The following TAS1R2 variants were observed in gnomAD, a reference collection of about 807,000 sequenced individuals.
The protein encoded by TAS1R2 is taste receptor type 1 member 2.
In TAS1R2, 47 loss-of-function variants were observed where a neutral mutation model predicts 49.3. The ratio of observed to expected loss-of-function variants is 0.95; its 90% confidence interval spans 0.75 to 1.22. TAS1R2 has a LOEUF of 1.22. TAS1R2 is among the 50% of genes most tolerant of loss of function. The probability of loss-of-function intolerance (pLI) is 0.00; values close to 1 mark genes in which losing one functional copy is unlikely to be tolerated. For synonymous variants in TAS1R2, 479 were observed against 467.9 expected (o/e 1.02, Z -0.31); for missense variants, 1,155 against 1,122.1 (o/e 1.03, Z -0.42).
At chr1:18,840,184 G>A (rs149257858) in exon 6 of TAS1R2, 135 of 1,614,248 alleles carry the variant, frequency 8.4e-5, no homozygotes, top group Admixed American at 1.3e-4. Context: ...CGATACAGGA[G>A]ATGCAGATTG....
chr1:18,842,209 G>T (rs1933843188), intron 4 of TAS1R2, among the ~76,000 whole-genome samples: 1 of 152,106 alleles, frequency 6.6e-6, no homozygotes, highest in South Asian at 2.1e-4. Flanking sequence ...AGGGGGTGGG[G>T]TGAGAAGCAC....
chr1:18,854,303 G>A lies in TAS1R2; in HGVS notation c.1167C>T (p.Tyr389=). Residue 389 remains tyrosine (Y), a synonymous_variant, in exon 3 of 6, where the codon TAC becomes TAT. Transcript: ENST00000375371. This position sits in a 1 kb window ranked among gnomAD's most constrained non-coding sequence, Gnocchi z 4.9. ...CATGGGCCACAGCATAGACCGCAGA[G>A]TACACGCTGTAGACGACACGCTCCC... The A allele has an allele frequency of 6.2e-7, 1 of 1,614,192 alleles. No homozygotes were observed. Among genetic ancestry groups the A allele is most frequent in the Non-Finnish European group, 8.5e-7 (1 of 1,180,026 alleles).
intron 2 of TAS1R2, among the ~76,000 whole-genome samples, chr1:18,856,631 A>G (rs1934140194): frequency 6.6e-6 from 1 of 152,230 alleles, no homozygotes; most frequent in East Asian, 1.9e-4. Context: ...TATCTGTTAC[A>G]TGAATGAAAG....
intron 5 of TAS1R2, 32 bp downstream of exon 5, chr1:18,841,697 C>CAGGGCAGGAGT: frequency 6.3e-7 from 1 of 1,598,384 alleles, no homozygotes; most frequent in Non-Finnish European, 8.6e-7. Context: ...AGGGCAGGGG[C>CAGGGCAGGAGT]AGGGCAGGAG....
intron 1 of TAS1R2, among the ~76,000 whole-genome samples, chr1:18,858,819 A>C (rs887021433): frequency 1.3e-5 from 2 of 152,140 alleles, no homozygotes; most frequent in Non-Finnish European, 2.9e-5. Flanking sequence ...TAAATGATGC[A>C]TTTCTCATAC....
intron 4 of TAS1R2, 125 bp downstream of exon 4, chr1:18,849,216 A>C (rs1450328736): frequency 2.0e-6 from 2 of 1,010,150 alleles, no homozygotes; most frequent in East Asian, 5.2e-5. Flanking sequence ...CCACAAATAG[A>C]CATCCCCCCA....
In TAS1R2 at chr1:18,849,458, A is replaced by G. The variant is rs777412558; in HGVS notation, c.1350T>C (p.Ile450=). Residue 450 remains isoleucine (I), a synonymous_variant, in exon 4 of 6, where the codon ATT becomes ATC. Coordinates refer to ENST00000375371, the Ensembl canonical transcript of TAS1R2. ...GGCTCCGGTCCCATTGCCACTGGAC[A>G]ATCTCCAAGTGCAGAGCCACGTCCC... 5.0e-6 allele frequency: 8 copies of G among 1,614,156 alleles called. No homozygotes were observed. In the South Asian group the frequency reaches 7.7e-5, roughly 16 times the overall value.
intron 4 of TAS1R2, among the ~76,000 whole-genome samples, chr1:18,844,778 AAG>A (rs1933887053): frequency 6.9e-6 from 1 of 145,528 alleles, no homozygotes; most frequent in South Asian, 2.2e-4. Flanking sequence ...GAAGAAGAAG[AAG>A]AAGGTTGACT....
At chr1:18,850,401 T>C (rs889977943) in intron 3 of TAS1R2, among the ~76,000 whole-genome samples, 2 of 152,212 alleles carry the variant, frequency 1.3e-5, no homozygotes, top group Admixed American at 1.3e-4. Context: ...CACAGACAGG[T>C]AGCCAAGGGA....
chr1:18,857,013 A>C (rs1424602462), intron 2 of TAS1R2, among the ~76,000 whole-genome samples: 4 of 152,244 alleles, frequency 2.6e-5, no homozygotes, highest in Admixed American at 2.6e-4. Flanking sequence ...ACCTTCAGAC[A>C]GTCCTGGGAT....
rs559139862 is a variant in TAS1R2 at position 18,844,797 on chromosome 1, A to G, written c.1468-2945T>C. The stretch of plus-strand genomic sequence containing the variant: ...AAGAAGAAGAAGGTTGACTTGTCCA[A>G]TGAAGGTCAGCTGGCTTTTGTCCTC... On this transcript the variant is annotated intron_variant, in intron 4 of 5. Transcript: ENST00000375371. Among the ~76,000 whole-genome samples, 8 of 152,272 alleles carry G rather than the reference A, an allele frequency of 5.3e-5. No homozygotes were observed. In the South Asian group the frequency reaches 8.3e-4, roughly 16 times the overall value.
chr1:18,858,106 TCAC>T (rs1434864595), intron 1 of TAS1R2, among the ~76,000 whole-genome samples: 4 of 151,192 alleles, frequency 2.6e-5, no homozygotes, highest in Admixed American at 6.6e-5. Flanking sequence ...ATCACCACCA[TCAC>T]CACCACCATT....
chr1:18,849,453 T>C (rs1422916181), exon 4 of TAS1R2: 1 of 1,614,142 alleles, frequency 6.2e-7, no homozygotes, highest in African/African-American at 1.3e-5. Context: ...CCATTGCCAC[T>C]GGACAATCTC....
chr1:18,854,621 G>T lies in TAS1R2; in HGVS notation c.849C>A (p.His283Gln), dbSNP rs753255657. 10 of 1,613,982 alleles carry T rather than the reference G, an allele frequency of 6.2e-6. No homozygotes were observed. The South Asian group carries it at 7.7e-5, about 12-fold the overall frequency. Residue 283 changes from histidine to glutamine, a missense_variant, in exon 3 of 6, where the codon CAC becomes CAA. Transcript: ENST00000375371. The surrounding 1 kb of genome is among the most constrained non-coding windows in gnomAD (Gnocchi z 4.9). ...TCTGGCGCAGCACCTCATTGAAGAAGTGGTACAGGGTCAGGTCGGGCGAGA... is the reference window on the plus strand; with the variant it reads ...TCTGGCGCAGCACCTCATTGAAGAATTGGTACAGGGTCAGGTCGGGCGAGA...
At chr1:18,859,342 A>T (rs1934199104) in intron 1 of TAS1R2, 137 bp downstream of exon 1, 2 of 1,104,916 alleles carry the variant, frequency 1.8e-6, no homozygotes, top group African/African-American at 3.1e-5. Context: ...ATGGATCCAG[A>T]ATAAGGGGGT....
intron 3 of TAS1R2, among the ~76,000 whole-genome samples, chr1:18,850,961 A>G (rs1934010688): frequency 6.6e-6 from 1 of 152,236 alleles, no homozygotes; most frequent in Non-Finnish European, 1.5e-5. Context: ...GGTAATTTGC[A>G]TCATGATTGC....
chr1:18,849,388 GT>G lies in TAS1R2; in HGVS notation c.1419del (p.Gln474SerfsTer2). On this transcript the variant is annotated frameshift_variant, in exon 4 of 6. Coordinates refer to ENST00000375371, the Ensembl canonical transcript of TAS1R2. LOFTEE classifies it high-confidence loss of function. ...GAGATGTCTTGGATGTTCTTCAGCT[GT>G]CGCTGCAGGGGGTAGTAGGAGGCGA... 1 of 1,614,216 alleles carries G rather than the reference GT, an allele frequency of 6.2e-7. No homozygotes were observed. The highest frequency in any genetic ancestry group is 8.5e-7 in the Non-Finnish European group (1 of 1,180,042).
chr1:18,850,760 C>T lies in TAS1R2; in HGVS notation c.1258-1210G>A, dbSNP rs561278248. Among the ~76,000 whole-genome samples the T allele has an allele frequency of 9.8e-5, 15 of 152,332 alleles. No homozygotes were observed. The South Asian group carries it at 2.9e-3, about 29-fold the overall frequency. ...ACTATTATTGGCAGGGACTTGGGCA[C>T]CTTGGGGTTCCCTCATCAGGTTGAA... On this transcript the variant is annotated intron_variant, in intron 3 of 5. Transcript: ENST00000375371.
At chr1:18,853,063 C>G (rs1242245137) in intron 3 of TAS1R2, among the ~76,000 whole-genome samples, 1 of 152,166 alleles carries the variant, frequency 6.6e-6, no homozygotes, top group Non-Finnish European at 1.5e-5. Context: ...TGGGAGGATG[C>G]CCAGAAGGTG....
Sources: gnomAD v4.1 joint callset for allele counts (sites outside exome capture counted in the v4.1 genomes callset) on GRCh38, gnomAD v4.1.1 for gene constraint, Gnocchi (gnomAD v3.1) non-coding constraint, MANE v1.5 for transcripts, NCBI Gene and HGNC (gene_info 2026-07-23, HGNC 2026-07-21) for gene names.